Variants in GALNT17 observed in about 807,000 individuals in gnomAD.
GALNT17 encodes the protein polypeptide N-acetylgalactosaminyltransferase 17.
GALNT17 carries 29 observed loss-of-function variants against 63.7 expected under a neutral mutation model. The ratio of observed to expected loss-of-function variants is 0.46; its 90% CI spans 0.34 to 0.62. GALNT17 has a LOEUF of 0.62. GALNT17 is among the 20% of genes least tolerant of loss of function. The pLI is 0.01. For missense variants in GALNT17, 603 were observed against 799.6 expected (o/e 0.75, Z 2.97); for synonymous variants, 305 against 318.3 (o/e 0.96, Z 0.45).
chr7:71,543,099 G>A (rs1303386322), intron 5 of GALNT17, among the ~76,000 whole-genome samples: 1 of 151,188 alleles, frequency 6.6e-6, no homozygotes, highest in Non-Finnish European at 1.5e-5. Flanking sequence ...TTTGATCAGA[G>A]AATTTCAGTA....
intron 1 of GALNT17, among the ~76,000 whole-genome samples, chr7:71,162,123 C>CCTCCCTTCCTT (rs1788357249): frequency 1.9e-5 from 1 of 53,780 alleles, no homozygotes; most frequent in Non-Finnish European, 3.1e-5. Flanking sequence ...CTCCCTCCCT[C>CCTCCCTTCCTT]CCTTCCTTCC....
rs1300218628 is a variant in GALNT17 at position 71,686,095 on chromosome 7, C to T, written c.1500+8789C>T. ...TCAGCCTCCCGAGTAGCTGGGATTA[C>T]AGGCACCTGCCACCACACCTGGTTA... On this transcript the variant is annotated intron_variant, in intron 9 of 10. Coordinates refer to ENST00000333538, the MANE Select transcript of GALNT17 (RefSeq NM_022479.3). Among the ~76,000 whole-genome samples the T allele has an allele frequency of 1.3e-5, 2 of 151,642 alleles. 1 individual carries two copies.
chr7:71,373,681 C>G (rs1792669481), intron 2 of GALNT17, among the ~76,000 whole-genome samples: 1 of 152,176 alleles, frequency 6.6e-6, no homozygotes, highest in Non-Finnish European at 1.5e-5. Context: ...GGATCTATTT[C>G]ATAGGCTGCA....
chr7:71,189,446 G>T (rs1338667570), intron 1 of GALNT17, among the ~76,000 whole-genome samples: 3 of 152,162 alleles, frequency 2.0e-5, no homozygotes, highest in African/African-American at 4.8e-5. Flanking sequence ...AGGTGGTGGG[G>T]GTGGCATGTT....
intron 1 of GALNT17, among the ~76,000 whole-genome samples, chr7:71,135,396 C>T (rs1326043316): frequency 2.0e-5 from 3 of 152,152 alleles, no homozygotes; most frequent in Middle Eastern, 3.2e-3. Flanking sequence ...TTTCTACTTG[C>T]CACAGACATA....
intron 5 of GALNT17, among the ~76,000 whole-genome samples, chr7:71,496,031 G>A (rs1382670018): frequency 6.6e-6 from 1 of 152,218 alleles, no homozygotes; most frequent in African/African-American, 2.4e-5. Flanking sequence ...GAAGGCATGG[G>A]AACACCATCT....
At chr7:71,324,853 CTTATTATAGTGCTTTGTGTCTAA>C (rs1791678167) in intron 1 of GALNT17, among the ~76,000 whole-genome samples, 2 of 152,128 alleles carry the variant, frequency 1.3e-5, no homozygotes, top group South Asian at 2.1e-4. Flanking sequence ...AATTGAAGTG[CTTATTATAGTGCTTTGTGTCTAA>C]TAGACATTTG....
At chr7:71,147,732 A>G (rs955103112) in intron 1 of GALNT17, among the ~76,000 whole-genome samples, 17 of 151,874 alleles carry the variant, frequency 1.1e-4, no homozygotes, top group Admixed American at 8.5e-4. Flanking sequence ...CCCAGGTTCC[A>G]TCGATTCTCC....
At chr7:71,485,113 T>A (rs567896105) in intron 5 of GALNT17, among the ~76,000 whole-genome samples, 37 of 134,984 alleles carry the variant, frequency 2.7e-4, no homozygotes, top group Non-Finnish European at 5.4e-4. Flanking sequence ...CCAGCCAGGA[T>A]TTTTTTTTTT....
At chr7:71,673,449 A>C (rs1791101951) in intron 8 of GALNT17, among the ~76,000 whole-genome samples, 1 of 152,200 alleles carries the variant, frequency 6.6e-6, no homozygotes, top group African/African-American at 2.4e-5. Flanking sequence ...GCTATTTTAG[A>C]TTGGAAGCAA....
At chr7:71,145,133 A>G (rs1418747675) in intron 1 of GALNT17, among the ~76,000 whole-genome samples, 5 of 152,210 alleles carry the variant, frequency 3.3e-5, no homozygotes, top group East Asian at 3.8e-4. Context: ...TGGAAACTGC[A>G]TTCTTTGGTG....
At chr7:71,583,493 C>T (rs1443716045) in intron 6 of GALNT17, among the ~76,000 whole-genome samples, 1 of 152,184 alleles carries the variant, frequency 6.6e-6, no homozygotes, top group Non-Finnish European at 1.5e-5. Context: ...GTAAGTTTGT[C>T]TCTGCAGTGG....
intron 5 of GALNT17, among the ~76,000 whole-genome samples, chr7:71,455,487 T>A (rs1186194424): frequency 1.5e-5 from 2 of 135,482 alleles, no homozygotes; most frequent in Non-Finnish European, 3.2e-5. Context: ...TCCAGGGTTT[T>A]GTTTTGTTTT....
intron 2 of GALNT17, among the ~76,000 whole-genome samples, chr7:71,343,136 G>C (rs1184960543): frequency 4.6e-5 from 7 of 152,170 alleles, no homozygotes; most frequent in Non-Finnish European, 1.0e-4. Flanking sequence ...ACTAATCCTA[G>C]CCATCAAAGA....
intron 5 of GALNT17, among the ~76,000 whole-genome samples, chr7:71,425,234 T>G (rs1385060543): frequency 2.6e-5 from 4 of 152,108 alleles, no homozygotes; most frequent in Non-Finnish European, 4.4e-5. Flanking sequence ...GAATTTTTTT[T>G]TTTTTTTGAG....
intron 6 of GALNT17, among the ~76,000 whole-genome samples, chr7:71,597,432 C>T (rs892639550): frequency 3.3e-5 from 5 of 152,062 alleles, no homozygotes; most frequent in Non-Finnish European, 5.9e-5. Context: ...CACTTGAGCC[C>T]AGAAGTTGGA....
intron 1 of GALNT17, among the ~76,000 whole-genome samples, chr7:71,227,623 T>G (rs1310215456): frequency 6.6e-6 from 1 of 152,144 alleles, no homozygotes; most frequent in African/African-American, 2.4e-5. Context: ...TTTCGTTTGC[T>G]CTCACCATTT....
intron 1 of GALNT17, among the ~76,000 whole-genome samples, chr7:71,146,435 C>T (rs974752599): frequency 6.6e-6 from 1 of 152,190 alleles, no homozygotes; most frequent in Admixed American, 6.5e-5. Flanking sequence ...GGGAAGCCAA[C>T]TCTCCATGGG....
chr7:71,264,292 T>A (rs1436017187), intron 1 of GALNT17, among the ~76,000 whole-genome samples: 1 of 152,172 alleles, frequency 6.6e-6, no homozygotes, highest in Non-Finnish European at 1.5e-5. Flanking sequence ...CAACCCTTTA[T>A]TTAGTCTTCG....
Sources: allele counts gnomAD v4.1 joint callset (sites outside exome capture counted in the v4.1 genomes callset), GRCh38; gene constraint gnomAD v4.1.1; transcripts MANE v1.5; gene names NCBI Gene and HGNC (gene_info 2026-07-23, HGNC 2026-07-21).